The following CNTN3 variants were observed in gnomAD, a reference collection of about 807,000 sequenced individuals.
The protein encoded by CNTN3 is contactin-3.
CNTN3 carries 60 observed loss-of-function variants against 119.1 expected under a neutral mutation model. The ratio of observed to expected loss-of-function variants is 0.50; its 90% CI spans 0.41 to 0.62. CNTN3 has a LOEUF of 0.62. Ranked by LOEUF, CNTN3 falls within the 20% of genes least tolerant of loss-of-function variation. The pLI, the probability that CNTN3 is intolerant of heterozygous loss-of-function variation, is 0.00. For missense variants in CNTN3, 1,101 were observed against 1,242.4 expected, an observed-to-expected ratio of 0.89 and a Z score of 1.71; for synonymous variants, 450 against 438.7, an observed-to-expected ratio of 1.03 and a Z score of -0.32.
intron 13 of CNTN3, among the ~76,000 whole-genome samples, chr3:74,320,542 T>A (rs1702961130): frequency 6.6e-6 from 1 of 152,088 alleles, no homozygotes; most frequent in Non-Finnish European, 1.5e-5. Context: ...GTGGGAGGGA[T>A]AGCATTAGGA....
At position 74,415,385 on chromosome 3, in the gene CNTN3, C is replaced by T. The variant is rs74361978; in HGVS notation, c.454+9460G>A. On this transcript the variant is annotated intron_variant, in intron 5 of 22. Coordinates refer to ENST00000263665, the MANE Select transcript of CNTN3 (RefSeq NM_020872.3). ...CTCGAAGTTGTTTCCATGACCCTGACTCTTTCCAGAGCTCTTTGTGGTATG... is the reference window on the plus strand; with the variant it reads ...CTCGAAGTTGTTTCCATGACCCTGATTCTTTCCAGAGCTCTTTGTGGTATG... 8.8e-3 allele frequency among the ~76,000 whole-genome samples: 1,334 copies of T among 152,276 alleles called. 21 individuals are homozygous for T. Among genetic ancestry groups the T allele is most frequent in the African/African-American group, 0.031 (1,284 of 41,546 alleles).
At chr3:74,561,100 C>T (rs376832599) in intron 1 of CNTN3, among the ~76,000 whole-genome samples, 46 of 150,922 alleles carry the variant, frequency 3.0e-4, no homozygotes, top group Middle Eastern at 3.4e-3. Context: ...GGGTGCAGCA[C>T]GCCAACATGG....
At chr3:74,313,678 C>T (rs1443288647) in intron 13 of CNTN3, among the ~76,000 whole-genome samples, 5 of 152,142 alleles carry the variant, frequency 3.3e-5, no homozygotes, top group Admixed American at 6.5e-5. Context: ...TTTGAGGTTA[C>T]GGAAAGAATG....
At chr3:74,588,942 T>A (rs540146871) in intron 1 of CNTN3, among the ~76,000 whole-genome samples, 1 of 152,112 alleles carries the variant, frequency 6.6e-6, no homozygotes, top group African/African-American at 2.4e-5. Flanking sequence ...TTACACCTTA[T>A]ACAAAAACTA....
chr3:74,612,513 C>T (rs1705099789), intron 1 of CNTN3, among the ~76,000 whole-genome samples: 1 of 152,168 alleles, frequency 6.6e-6, no homozygotes, highest in South Asian at 2.1e-4. Flanking sequence ...GACATCCAGA[C>T]AGTGAGGAGG....
intron 4 of CNTN3, among the ~76,000 whole-genome samples, chr3:74,484,941 A>T (rs1702825578): frequency 6.6e-6 from 1 of 152,228 alleles, no homozygotes; most frequent in African/African-American, 2.4e-5. Context: ...AGTAAATGTT[A>T]CAAATATTTT....
chr3:74,335,006 C>A, intron 12 of CNTN3, 96 bp from the exon 13 acceptor site: 1 of 797,554 alleles, frequency 1.3e-6, no homozygotes, highest in Non-Finnish European at 2.0e-6. Flanking sequence ...CTGTGTATGT[C>A]TGTAGATGCA....
intron 11 of CNTN3, among the ~76,000 whole-genome samples, chr3:74,360,554 G>C (rs897473487): frequency 6.6e-6 from 1 of 152,108 alleles, no homozygotes; most frequent in African/African-American, 2.4e-5. Flanking sequence ...CAAACCTGAT[G>C]ACCTAAAACA....
chr3:74,401,516 G>GCACACA (rs139654677), intron 5 of CNTN3, among the ~76,000 whole-genome samples: 7 of 150,508 alleles, frequency 4.7e-5, no homozygotes, highest in African/African-American at 1.7e-4. Flanking sequence ...ACGCGCGCAC[G>GCACACA]CACACACACA....
chr3:74,267,867 C>G (rs1351769678), intron 20 of CNTN3, among the ~76,000 whole-genome samples: 3 of 151,912 alleles, frequency 2.0e-5, no homozygotes, highest in African/African-American at 7.3e-5. Context: ...GAAGAAATTG[C>G]CAAATGGACA....
intron 4 of CNTN3, among the ~76,000 whole-genome samples, chr3:74,440,634 T>C (rs547783776): frequency 6.6e-6 from 1 of 152,282 alleles, no homozygotes; most frequent in Non-Finnish European, 1.5e-5. Context: ...GTACTGAACA[T>C]GTATACTTTT....
intron 1 of CNTN3, among the ~76,000 whole-genome samples, chr3:74,590,489 TCA>T (rs1704682621): frequency 1.8e-5 from 2 of 110,082 alleles, no homozygotes; most frequent in African/African-American, 1.7e-4. Flanking sequence ...GACGCAGTGC[TCA>T]GAGCAACTCT....
intron 1 of CNTN3, among the ~76,000 whole-genome samples, chr3:74,528,646 T>A (rs562028791): frequency 1.3e-5 from 2 of 152,032 alleles, no homozygotes; most frequent in South Asian, 4.1e-4. Flanking sequence ...AGAAACTGTG[T>A]ACTTACAACC....
At chr3:74,344,326 A>C (rs1703623995) in intron 11 of CNTN3, among the ~76,000 whole-genome samples, 1 of 150,874 alleles carries the variant, frequency 6.6e-6, no homozygotes, top group South Asian at 2.1e-4. Context: ...CTTTTATTCC[A>C]ATTCTAAAGT....
chr3:74,446,834 G>A (rs1702057099), intron 4 of CNTN3, among the ~76,000 whole-genome samples: 1 of 151,760 alleles, frequency 6.6e-6, no homozygotes, highest in African/African-American at 2.4e-5. Flanking sequence ...CAGAGATCAG[G>A]GTCATAGGGT....
intron 4 of CNTN3, among the ~76,000 whole-genome samples, chr3:74,440,482 G>A (rs1253641358): frequency 2.4e-4 from 18 of 74,808 alleles, no homozygotes; most frequent in Admixed American, 1.6e-3. Flanking sequence ...AAAGCAAATA[G>A]CAAAAAAAAA....
chr3:74,378,615 AAATATATTGGAACAC>A (rs2106805148), intron 5 of CNTN3, among the ~76,000 whole-genome samples: 1 of 152,354 alleles, frequency 6.6e-6, no homozygotes, highest in Non-Finnish European at 1.5e-5. Flanking sequence ...TTTGTTAACT[AAATATATTGGAACAC>A]AATCACACTC....
At position 74,501,371 on chromosome 3, in the gene CNTN3, C is replaced by T. The variant is rs1326638500; in HGVS notation, c.56-1586G>A. 2.0e-5 allele frequency among the ~76,000 whole-genome samples: 3 copies of T among 152,002 alleles called. No homozygotes were observed. In the East Asian group the frequency reaches 5.8e-4, roughly 29 times the overall value. On this transcript the variant is annotated intron_variant, in intron 2 of 22. Coordinates refer to ENST00000263665, the MANE Select transcript of CNTN3 (RefSeq NM_020872.3). The stretch of plus-strand genomic sequence containing the variant: ...GAGTTCCTGGTTGGCTATCATACTC[C>T]TTGAGTATTGTCACACATCGATACC...
intron 20 of CNTN3, 185 bp from the exon 21 acceptor site, chr3:74,267,563 C>A (rs1334679948): frequency 4.0e-6 from 2 of 505,016 alleles, no homozygotes; most frequent in Admixed American, 6.5e-5. Context: ...TTTAGAAAGG[C>A]ATTTCATTCA....
Sources: gnomAD v4.1 joint callset for allele counts (sites outside exome capture counted in the v4.1 genomes callset) on GRCh38, gnomAD v4.1.1 for gene constraint, MANE v1.5 for transcripts, NCBI Gene and HGNC (gene_info 2026-07-23, HGNC 2026-07-21) for gene names.